The following EML4 variants were observed in gnomAD, a reference collection of about 807,000 sequenced individuals.
EML4 encodes EMAP like 4, also known as echinoderm microtubule-associated protein-like 4.
EML4 carries 72 observed loss-of-function variants against 129.0 expected under a neutral mutation model. That is an observed-to-expected ratio of 0.56 (90% CI 0.46 to 0.68). The LOEUF (loss-of-function observed/expected upper bound fraction) is 0.68. EML4 is among the 30% of genes least tolerant of loss of function. The probability of loss-of-function intolerance (pLI) is 0.00; values close to 1 mark genes in which losing one functional copy is unlikely to be tolerated. For missense variants in EML4, 1,363 were observed against 1,190.6 expected, an observed-to-expected ratio of 1.14 and a Z score of -2.13; for synonymous variants, 532 against 405.0, an observed-to-expected ratio of 1.31 and a Z score of -3.77.
chr2:42,174,966 G>A lies in EML4; in HGVS notation c.25+5330G>A, dbSNP rs188336492. ...CTAGTAGCTGGGATTACAGGTGCCCGCCAGCATGTCTGGCTAATTTTTGTA... is the reference window on the plus strand; with the variant it reads ...CTAGTAGCTGGGATTACAGGTGCCCACCAGCATGTCTGGCTAATTTTTGTA... On this transcript the variant is annotated intron_variant, in intron 1 of 22. Coordinates refer to ENST00000318522, the MANE Select transcript of EML4 (RefSeq NM_019063.5). Among the ~76,000 whole-genome samples, 1,411 of 150,694 alleles carry A rather than the reference G, an allele frequency of 9.4e-3. 24 individuals carry two copies. Among genetic ancestry groups the A allele is most frequent in the African/African-American group, 0.032 (1,296 of 40,984 alleles).
chr2:42,179,568 T>A (rs1029021360), intron 1 of EML4, among the ~76,000 whole-genome samples: 2 of 152,132 alleles, frequency 1.3e-5, no homozygotes, highest in East Asian at 3.8e-4. Flanking sequence ...GTTTATAGCT[T>A]ATGGTTTAGG....
chr2:42,294,830 C>G (rs1186975376), intron 11 of EML4, among the ~76,000 whole-genome samples: 1 of 152,072 alleles, frequency 6.6e-6, no homozygotes, highest in African/African-American at 2.4e-5. Context: ...TTAAATTCGA[C>G]AGTTTTAAGT....
chr2:42,240,876 C>T (rs982450403), intron 1 of EML4, among the ~76,000 whole-genome samples: 2 of 152,140 alleles, frequency 1.3e-5, no homozygotes, highest in African/African-American at 4.8e-5. Flanking sequence ...CGTGGTGGCT[C>T]ACACCTGTAA....
chr2:42,227,931 A>T (rs1179813639), intron 1 of EML4, among the ~76,000 whole-genome samples: 2 of 152,168 alleles, frequency 1.3e-5, no homozygotes, highest in Admixed American at 1.3e-4. Flanking sequence ...GTCAAAAATT[A>T]TACATAGGCC....
At chr2:42,178,536 C>CTG (rs1670749162) in intron 1 of EML4, among the ~76,000 whole-genome samples, 1 of 152,066 alleles carries the variant, frequency 6.6e-6, no homozygotes, top group Non-Finnish European at 1.5e-5. Flanking sequence ...GAGCGAGCAG[C>CTG]GAGACCCTGT....
Position 42,249,171 on chromosome 2 carries a change from G to A in EML4, c.208+3484G>A, listed in dbSNP as rs141326725. Reference sequence around the variant, plus strand: ...ATTTGGAATAAACATTTTAAGCAAAGTATTTTCAAATAAATGAAGTTTTTC... The same window carrying A: ...ATTTGGAATAAACATTTTAAGCAAAATATTTTCAAATAAATGAAGTTTTTC... On this transcript the variant is annotated intron_variant, in intron 2 of 22. Transcript: ENST00000318522. 4.3e-4 allele frequency among the ~76,000 whole-genome samples: 65 copies of A among 152,176 alleles called. 1 individual carries two copies. Among genetic ancestry groups the A allele is most frequent in the Middle Eastern group, 3.4e-3 (1 of 292 alleles).
intron 6 of EML4, among the ~76,000 whole-genome samples, chr2:42,266,688 A>G (rs1454378169): frequency 6.7e-6 from 1 of 150,124 alleles, no homozygotes; most frequent in East Asian, 1.9e-4. Context: ...GCGGTATGTG[A>G]TAGGAAGAGC....
chr2:42,282,093 T>C (rs981770169), intron 7 of EML4, among the ~76,000 whole-genome samples: 2 of 152,126 alleles, frequency 1.3e-5, no homozygotes, highest in Admixed American at 6.6e-5. Flanking sequence ...TCTCTTTTTC[T>C]CTCCATCTAA....
intron 1 of EML4, among the ~76,000 whole-genome samples, chr2:42,241,450 A>G (rs1675026481): frequency 6.6e-6 from 1 of 152,216 alleles, no homozygotes; most frequent in African/African-American, 2.4e-5. Flanking sequence ...ATACTGAGAT[A>G]GGAGACATAC....
At chr2:42,232,160 CT>C (rs1246000647) in intron 1 of EML4, among the ~76,000 whole-genome samples, 1 of 152,034 alleles carries the variant, frequency 6.6e-6, no homozygotes, top group African/African-American at 2.4e-5. Context: ...GTCTCACAAG[CT>C]TTTTCCCTGA....
chr2:42,169,680 A>G, intron 1 of EML4, 44 bp downstream of exon 1: 1 of 1,586,598 alleles, frequency 6.3e-7, no homozygotes, highest in Non-Finnish European at 8.6e-7. Flanking sequence ...GAAGGGTAGG[A>G]ACTTTTTTCC....
At chr2:42,187,249 A>G (rs543707753) in intron 1 of EML4, among the ~76,000 whole-genome samples, 1 of 151,396 alleles carries the variant, frequency 6.6e-6, no homozygotes, top group Non-Finnish European at 1.5e-5. Flanking sequence ...GGGTTTTGCC[A>G]TGTTGCCCAG....
chr2:42,322,826 G>C (rs1019313122), intron 19 of EML4, among the ~76,000 whole-genome samples: 6 of 152,322 alleles, frequency 3.9e-5, no homozygotes, highest in African/African-American at 1.4e-4. Context: ...GGGTAACATA[G>C]ACCCCAACAG....
intron 13 of EML4, among the ~76,000 whole-genome samples, chr2:42,298,227 A>C (rs1232456176): frequency 6.6e-6 from 1 of 152,182 alleles, no homozygotes; most frequent in Non-Finnish European, 1.5e-5. Context: ...TCTCCCTAAT[A>C]TTTTATTCTT....
intron 1 of EML4, among the ~76,000 whole-genome samples, chr2:42,207,750 A>C (rs1672647504): frequency 6.6e-6 from 1 of 152,230 alleles, no homozygotes; most frequent in Non-Finnish European, 1.5e-5. Flanking sequence ...TTGAAAAATA[A>C]GTGACTTGTC....
intron 1 of EML4, among the ~76,000 whole-genome samples, chr2:42,171,730 A>T (rs1250420357): frequency 6.6e-6 from 1 of 152,156 alleles, no homozygotes; most frequent in Non-Finnish European, 1.5e-5. Context: ...CAGAGAGGGA[A>T]GGAAATGGTT....
intron 1 of EML4, among the ~76,000 whole-genome samples, chr2:42,223,528 G>A (rs900277347): frequency 2.0e-5 from 3 of 152,230 alleles, no homozygotes; most frequent in Middle Eastern, 3.4e-3. Flanking sequence ...TTAAATGTCA[G>A]TAGTTAGAAA....
intron 1 of EML4, among the ~76,000 whole-genome samples, chr2:42,181,603 A>G (rs60881232): frequency 0.024 from 3,622 of 152,154 alleles, 139 homozygotes; most frequent in African/African-American, 0.081. Flanking sequence ...GCCAGGTTTC[A>G]TATTTTTTTG....
At chr2:42,188,348 G>C (rs1384091626) in intron 1 of EML4, among the ~76,000 whole-genome samples, 1 of 152,110 alleles carries the variant, frequency 6.6e-6, no homozygotes, top group Non-Finnish European at 1.5e-5. Flanking sequence ...ACCTCGCGGA[G>C]TAGCTGGGAC....
Sources: allele counts gnomAD v4.1 joint callset (sites outside exome capture counted in the v4.1 genomes callset), GRCh38; gene constraint gnomAD v4.1.1; transcripts MANE v1.5; gene names NCBI Gene and HGNC (gene_info 2026-07-23, HGNC 2026-07-21).